NRXN3: variants seen among roughly 807,000 people sequenced by gnomAD.
The protein encoded by NRXN3 is neurexin 3, also known as neurexin III.
A neutral mutation model predicts 137.6 loss-of-function variants in NRXN3; 32 were observed. The observed-to-expected ratio is 0.23, with a 90% CI of 0.18 to 0.31. The LOEUF is 0.31. Among genes scored for constraint, NRXN3 ranks in the 10% least tolerant of loss-of-function variants. The pLI, the probability that NRXN3 is intolerant of heterozygous loss-of-function variation, is 1.00. For synonymous variants in NRXN3, 798 were observed against 784.5 expected (o/e 1.02, Z -0.29); for missense variants, 1,574 against 2,062.5 (o/e 0.76, Z 4.59).
intron 15 of NRXN3, among the ~76,000 whole-genome samples, chr14:79,276,857 T>C (rs1042462106): frequency 1.3e-5 from 2 of 152,160 alleles, no homozygotes; most frequent in East Asian, 3.8e-4. Flanking sequence ...GAGTATGAGA[T>C]TGGCAATTGA....
intron 19 of NRXN3, among the ~76,000 whole-genome samples, chr14:79,731,816 ATTTTTTATTTTTT>A (rs1473164696): frequency 6.7e-6 from 1 of 149,456 alleles, no homozygotes; most frequent in African/African-American, 2.5e-5. Context: ...AGAATTTTTT[ATTTTTTATTTTTT>A]TTTTTAATTT....
intron 4 of NRXN3, among the ~76,000 whole-genome samples, chr14:78,463,493 T>G (rs2094991598): frequency 6.6e-6 from 1 of 151,836 alleles, no homozygotes; most frequent in East Asian, 1.9e-4. Context: ...CCGTAGAGGT[T>G]GTATTAATTT....
intron 15 of NRXN3, among the ~76,000 whole-genome samples, chr14:79,186,741 C>G (rs548943009): frequency 6.6e-6 from 1 of 152,268 alleles, no homozygotes; most frequent in Admixed American, 6.5e-5. Flanking sequence ...TCCCAGCTGT[C>G]TCTTTTGGCT....
At chr14:78,547,323 A>G (rs1429090046) in intron 4 of NRXN3, among the ~76,000 whole-genome samples, 1 of 151,670 alleles carries the variant, frequency 6.6e-6, no homozygotes, top group Non-Finnish European at 1.5e-5. Flanking sequence ...CTCCTGCCTC[A>G]GCCTCCCAAG....
intron 6 of NRXN3, among the ~76,000 whole-genome samples, chr14:78,658,251 C>G (rs1034662083): frequency 6.6e-6 from 1 of 152,176 alleles, no homozygotes; most frequent in African/African-American, 2.4e-5. Flanking sequence ...TGAGTCTTGC[C>G]TAGACTCATT....
chr14:78,813,296 C>T (rs898094062), intron 10 of NRXN3, among the ~76,000 whole-genome samples: 1 of 152,180 alleles, frequency 6.6e-6, no homozygotes, highest in African/African-American at 2.4e-5. Context: ...AGCCCCTCTT[C>T]TTATTGACTC....
chr14:78,177,055 C>A (rs996283206), intron 1 of NRXN3, among the ~76,000 whole-genome samples: 5 of 152,132 alleles, frequency 3.3e-5, no homozygotes, highest in African/African-American at 1.2e-4. Context: ...GTTCTCAATC[C>A]CATATAGCCC....
At chr14:79,740,743 T>TATATATAA (rs1299480838) in intron 19 of NRXN3, among the ~76,000 whole-genome samples, 587 of 48,238 alleles carry the variant, frequency 0.012, 13 homozygotes, top group Non-Finnish European at 0.023. Context: ...TATATATATA[T>TATATATAA]ATATATATAT....
intron 14 of NRXN3, among the ~76,000 whole-genome samples, chr14:78,969,851 G>A (rs899114650): frequency 6.8e-6 from 1 of 147,992 alleles, no homozygotes; most frequent in Non-Finnish European, 1.5e-5. Flanking sequence ...GTGTGTGTGT[G>A]TGTGTATAAA....
chr14:78,259,486 A>G (rs1191219347), intron 2 of NRXN3, among the ~76,000 whole-genome samples: 1 of 152,168 alleles, frequency 6.6e-6, no homozygotes, highest in Non-Finnish European at 1.5e-5. Flanking sequence ...CCTCAAAGCC[A>G]TATACCTCTA....
intron 4 of NRXN3, among the ~76,000 whole-genome samples, chr14:78,551,980 C>G (rs1337895483): frequency 6.6e-6 from 1 of 152,086 alleles, no homozygotes; most frequent in Non-Finnish European, 1.5e-5. Flanking sequence ...TTGTTGGTCG[C>G]GATACCCTGG....
chr14:79,045,973 A>C (rs1211669858), intron 15 of NRXN3, among the ~76,000 whole-genome samples: 1 of 152,212 alleles, frequency 6.6e-6, no homozygotes, highest in Non-Finnish European at 1.5e-5. Context: ...GGAAAGATAA[A>C]TATTTCAGGT....
At chr14:79,568,769 T>C (rs1181574292) in intron 16 of NRXN3, among the ~76,000 whole-genome samples, 2 of 152,214 alleles carry the variant, frequency 1.3e-5, no homozygotes, top group East Asian at 3.9e-4. Flanking sequence ...CTGTTCTCTA[T>C]ATTCCATCAG....
At chr14:78,341,674 A>G (rs1338631264) in intron 4 of NRXN3, among the ~76,000 whole-genome samples, 1 of 152,190 alleles carries the variant, frequency 6.6e-6, no homozygotes, top group African/African-American at 2.4e-5. Flanking sequence ...GAAGGCTTGT[A>G]CTAGAAGTCT....
chr14:79,338,297 G>A (rs559524788), intron 15 of NRXN3, among the ~76,000 whole-genome samples: 21 of 151,976 alleles, frequency 1.4e-4, no homozygotes, highest in Admixed American at 9.2e-4. Flanking sequence ...TCATGGGAAA[G>A]GGAAATCCTA....
At chr14:78,861,114 T>C (rs909346419) in intron 10 of NRXN3, among the ~76,000 whole-genome samples, 2 of 152,120 alleles carry the variant, frequency 1.3e-5, no homozygotes, top group Non-Finnish European at 1.5e-5. Context: ...TGCATAAAAG[T>C]CTTCACAAAG....
intron 4 of NRXN3, among the ~76,000 whole-genome samples, chr14:78,466,516 G>A (rs1335453912): frequency 6.6e-6 from 1 of 152,224 alleles, no homozygotes; most frequent in African/African-American, 2.4e-5. Flanking sequence ...GGACTAGAGT[G>A]TGGGCTAAAA....
chr14:78,673,994 A>G (rs1277454177), intron 6 of NRXN3, among the ~76,000 whole-genome samples: 2 of 152,180 alleles, frequency 1.3e-5, no homozygotes, highest in African/African-American at 2.4e-5. Context: ...CTATGCCTAT[A>G]GTGGGCCCAT....
intron 6 of NRXN3, among the ~76,000 whole-genome samples, chr14:78,669,374 G>C (rs115517874): frequency 6.6e-6 from 1 of 152,096 alleles, no homozygotes; most frequent in African/African-American, 2.4e-5. Context: ...AGTCCATAAA[G>C]TGAAAGCAAA....
Sources: gnomAD v4.1 joint callset for allele counts (sites outside exome capture counted in the v4.1 genomes callset) on GRCh38, gnomAD v4.1.1 for gene constraint, MANE v1.5 for transcripts, NCBI Gene and HGNC (gene_info 2026-07-23, HGNC 2026-07-21) for gene names.